The following GPC6 variants were observed in gnomAD, a reference collection of about 807,000 sequenced individuals.
GPC6 encodes the protein glypican 6, also known as glypican-6.
A neutral mutation model predicts 55.2 loss-of-function variants in GPC6; 14 were observed. The ratio of observed to expected loss-of-function variants is 0.25; its 90% CI spans 0.17 to 0.40. The LOEUF (loss-of-function observed/expected upper bound fraction) is 0.40, where lower values mean the gene tolerates loss of function less well. Ranked by LOEUF, GPC6 falls within the 10% of genes least tolerant of loss-of-function variation. The pLI is 1.00. For missense variants in GPC6, 641 were observed against 708.5 expected, an observed-to-expected ratio of 0.90 and a Z score of 1.08; for synonymous variants, 278 against 259.6, an observed-to-expected ratio of 1.07 and a Z score of -0.68.
intron 1 of GPC6, among the ~76,000 whole-genome samples, chr13:93,518,418 C>T (rs17300373): frequency 0.14 from 21,238 of 151,860 alleles, 1,633 homozygotes; most frequent in East Asian, 0.29. Flanking sequence ...ACACCTCTAT[C>T]AGACACCTGG....
chr13:93,862,426 A>T (rs1888843981), intron 3 of GPC6, among the ~76,000 whole-genome samples: 1 of 151,458 alleles, frequency 6.6e-6, no homozygotes, highest in Non-Finnish European at 1.5e-5. Context: ...GGGCTACTGG[A>T]GTGGAAAGGC....
intron 6 of GPC6, among the ~76,000 whole-genome samples, chr13:94,315,350 G>T (rs1347605869): frequency 6.6e-6 from 1 of 152,208 alleles, no homozygotes; most frequent in Non-Finnish European, 1.5e-5. Flanking sequence ...TATGTGCCAA[G>T]TGTTCATTAT....
intron 3 of GPC6, among the ~76,000 whole-genome samples, chr13:93,914,465 A>G (rs540455537): frequency 1.2e-4 from 19 of 152,330 alleles, no homozygotes; most frequent in African/African-American, 4.3e-4. Flanking sequence ...TGAAGAACAG[A>G]AACGGCATTG....
chr13:93,574,811 T>C (rs1208134164), intron 2 of GPC6, among the ~76,000 whole-genome samples: 2 of 152,196 alleles, frequency 1.3e-5, no homozygotes, highest in East Asian at 1.9e-4. Context: ...TTCATATAAA[T>C]AGAATTATAA....
At chr13:94,381,470 T>A (rs1880155708) in intron 6 of GPC6, among the ~76,000 whole-genome samples, 1 of 152,168 alleles carries the variant, frequency 6.6e-6, no homozygotes, top group Non-Finnish European at 1.5e-5. Flanking sequence ...TGTGTCTGTG[T>A]GCTCAAATTT....
chr13:94,264,990 A>G (rs1891754934), intron 4 of GPC6, among the ~76,000 whole-genome samples: 1 of 152,154 alleles, frequency 6.6e-6, no homozygotes, highest in Non-Finnish European at 1.5e-5. Flanking sequence ...AACTGCTCCC[A>G]TGTTTCAGTT....
At chr13:94,308,474 T>C (rs1263969014) in intron 6 of GPC6, among the ~76,000 whole-genome samples, 1 of 152,192 alleles carries the variant, frequency 6.6e-6, no homozygotes, top group African/African-American at 2.4e-5. Context: ...CAAAAATATA[T>C]TTTATCCATC....
intron 4 of GPC6, among the ~76,000 whole-genome samples, chr13:94,114,488 G>C (rs1033438979): frequency 2.6e-5 from 4 of 152,088 alleles, no homozygotes; most frequent in Non-Finnish European, 5.9e-5. Context: ...AAGTGGGAAA[G>C]GCAGACTGAA....
chr13:93,296,654 TC>T (rs1878504294), intron 1 of GPC6, among the ~76,000 whole-genome samples: 1 of 152,104 alleles, frequency 6.6e-6, no homozygotes, highest in Non-Finnish European at 1.5e-5. Context: ...CCATTCCTTC[TC>T]CTCTACCTCC....
At chr13:94,186,008 C>T (rs1337824424) in intron 4 of GPC6, among the ~76,000 whole-genome samples, 4 of 129,870 alleles carry the variant, frequency 3.1e-5, no homozygotes, top group Non-Finnish European at 6.2e-5. Flanking sequence ...TACAGTGAGC[C>T]GAGATCGCAC....
At chr13:94,267,737 G>A (rs1387287256) in intron 4 of GPC6, among the ~76,000 whole-genome samples, 1 of 152,158 alleles carries the variant, frequency 6.6e-6, no homozygotes, top group Non-Finnish European at 1.5e-5. Flanking sequence ...TGTGATGAGT[G>A]AGGCAATTTT....
intron 4 of GPC6, among the ~76,000 whole-genome samples, chr13:94,202,538 G>C (rs1889785236): frequency 6.6e-6 from 1 of 152,124 alleles, no homozygotes; most frequent in Non-Finnish European, 1.5e-5. Flanking sequence ...AGAACAGTAT[G>C]GGGGAAACAG....
intron 4 of GPC6, among the ~76,000 whole-genome samples, chr13:94,264,153 C>T (rs1030149505): frequency 2.6e-5 from 4 of 152,320 alleles, no homozygotes; most frequent in Admixed American, 2.0e-4. Context: ...ATCAATTCCT[C>T]CCTCTCTACC....
chr13:93,474,871 T>G (rs994099827), intron 1 of GPC6, among the ~76,000 whole-genome samples: 6 of 152,190 alleles, frequency 3.9e-5, no homozygotes, highest in African/African-American at 1.4e-4. Context: ...TGATTTAAAT[T>G]AATACTTAGT....
At chr13:94,396,122 C>T (rs1353112237) in intron 7 of GPC6, among the ~76,000 whole-genome samples, 1 of 152,174 alleles carries the variant, frequency 6.6e-6, no homozygotes, top group Non-Finnish European at 1.5e-5. Context: ...CCCTTTATCC[C>T]CTGGGGCCCC....
At chr13:93,730,137 T>TTCA (rs1883772187) in intron 2 of GPC6, among the ~76,000 whole-genome samples, 1 of 152,142 alleles carries the variant, frequency 6.6e-6, no homozygotes, top group Non-Finnish European at 1.5e-5. Flanking sequence ...AAATGTTCAC[T>TTCA]TCATCATAAG....
At chr13:93,706,077 A>G (rs1349506072) in intron 2 of GPC6, among the ~76,000 whole-genome samples, 6 of 151,852 alleles carry the variant, frequency 4.0e-5, no homozygotes, top group African/African-American at 1.4e-4. Flanking sequence ...TTGCCAGTAG[A>G]CAGTAAAAGG....
intron 1 of GPC6, among the ~76,000 whole-genome samples, chr13:93,305,544 C>G (rs1053115662): frequency 4.6e-5 from 7 of 152,138 alleles, no homozygotes; most frequent in African/African-American, 7.2e-5. Context: ...GATGCCAACT[C>G]TATCCATGAA....
intron 1 of GPC6, among the ~76,000 whole-genome samples, chr13:93,274,215 T>C (rs1877651253): frequency 6.6e-6 from 1 of 152,282 alleles, no homozygotes; most frequent in Non-Finnish European, 1.5e-5. Context: ...ATTCATTCAA[T>C]CATTATCTAC....
Sources: gnomAD v4.1 joint callset for allele counts (sites outside exome capture counted in the v4.1 genomes callset) on GRCh38, gnomAD v4.1.1 for gene constraint, MANE v1.5 for transcripts, NCBI Gene and HGNC (gene_info 2026-07-23, HGNC 2026-07-21) for gene names.